STK3: variants seen among roughly 807,000 people sequenced by gnomAD.
The protein encoded by STK3 is serine/threonine kinase 3.
A neutral mutation model predicts 58.0 loss-of-function variants in STK3; 41 were observed. The ratio of observed to expected loss-of-function variants is 0.71; its 90% confidence interval spans 0.55 to 0.92. The LOEUF is 0.92. STK3 is among the 40% of genes least tolerant of loss of function. STK3 has a pLI of 0.00. For synonymous variants in STK3, 170 were observed against 191.0 expected (o/e 0.89, Z 0.91); for missense variants, 479 against 602.7 (o/e 0.79, Z 2.15).
At chr8:98,730,877 T>C (rs1435432991) in intron 4 of STK3, among the ~76,000 whole-genome samples, 5 of 152,248 alleles carry the variant, frequency 3.3e-5, no homozygotes, top group Non-Finnish European at 5.9e-5. Flanking sequence ...AACCATCCTT[T>C]AACCCAGGGA....
At chr8:98,686,205 C>A (rs1157624160) in intron 6 of STK3, among the ~76,000 whole-genome samples, 1 of 151,774 alleles carries the variant, frequency 6.6e-6, no homozygotes, top group Non-Finnish European at 1.5e-5. Flanking sequence ...TAAGTGTGCA[C>A]CAAGTATCTA....
At chr8:98,676,140 T>A (rs925705982) in intron 6 of STK3, among the ~76,000 whole-genome samples, 1 of 152,124 alleles carries the variant, frequency 6.6e-6, no homozygotes, top group African/African-American at 2.4e-5. Flanking sequence ...TCCACTTACA[T>A]GAGGTACCCA....
At chr8:98,362,352 C>CT in the STK3 span, among the ~76,000 whole-genome samples, 1 of 151,846 alleles carries the variant, frequency 6.6e-6, no homozygotes, top group Non-Finnish European at 1.5e-5. Flanking sequence ...GGCTGCAACA[C>CT]TTTTTTTTGA....
chr8:98,579,591 T>C, intron 8 of STK3, 73 bp downstream of exon 8: 1 of 1,519,520 alleles, frequency 6.6e-7, no homozygotes, highest in South Asian at 1.2e-5. Context: ...TAAGTGCTTT[T>C]AATATATTTT....
chr8:98,544,609 T>C (rs1414242744), intron 9 of STK3, among the ~76,000 whole-genome samples: 2 of 151,092 alleles, frequency 1.3e-5, no homozygotes, highest in Non-Finnish European at 2.9e-5. Flanking sequence ...ACCTGAAAGT[T>C]CTCTTAGCTT....
At chr8:98,782,021 G>A (rs376027176) in intron 1 of STK3, 350 of 190,632 alleles carry the variant, frequency 1.8e-3, no homozygotes, top group South Asian at 8.7e-3. Flanking sequence ...ATTTGCTTTC[G>A]TTGCTGCAGC....
chr8:98,707,213 TC>T lies in STK3; in HGVS notation c.449del (p.Gly150GlufsTer22). 6.2e-7 allele frequency: 1 copy of T among 1,612,384 alleles called. No homozygotes were observed. The highest frequency in any genetic ancestry group is 1.1e-5 in the South Asian group (1 of 90,396). On this transcript the variant is annotated frameshift_variant, in exon 5 of 11. Transcript: ENST00000419617. LOFTEE classifies it high-confidence loss of function. ...GTCCTTCTGTATTGAGGAGAATATT[TC>T]CAGCTTTTATATCTCTGTGTATTTT... ...MRKIHRDIKAGNILLNTEGHA... is the reference protein window; with the variant it reads ...MRKIHRDIKAXNILLNTEGHA...
chr8:98,569,198 CAATT>C (rs1213972461), intron 8 of STK3, among the ~76,000 whole-genome samples: 4 of 152,008 alleles, frequency 2.6e-5, no homozygotes, highest in South Asian at 4.1e-4. Context: ...ATCAATCAAT[CAATT>C]AAGGGTAAAT....
intron 4 of STK3, among the ~76,000 whole-genome samples, chr8:98,735,918 G>A (rs1828545138): frequency 6.6e-6 from 1 of 152,016 alleles, no homozygotes; most frequent in Admixed American, 6.6e-5. Context: ...TATCTATGCT[G>A]ACAATCAGAT....
intron 4 of STK3, among the ~76,000 whole-genome samples, chr8:98,713,867 T>C (rs1425934789): frequency 6.6e-6 from 1 of 151,998 alleles, no homozygotes; most frequent in Non-Finnish European, 1.5e-5. Flanking sequence ...TGAACATCGA[T>C]GCAAAAATCC....
chr8:98,586,010 GT>G (rs1318556161), intron 7 of STK3, among the ~76,000 whole-genome samples: 2 of 152,152 alleles, frequency 1.3e-5, no homozygotes, highest in Admixed American at 1.3e-4. Context: ...AGACAATGGG[GT>G]TTTCTAGATA....
intron 6 of STK3, among the ~76,000 whole-genome samples, chr8:98,658,501 G>A (rs553791042): frequency 6.6e-6 from 1 of 152,148 alleles, no homozygotes; most frequent in East Asian, 1.9e-4. Flanking sequence ...AAGAAGTTAA[G>A]AACCTTACTC....
intron 3 of STK3, among the ~76,000 whole-genome samples, chr8:98,847,200 A>C (rs967382598): frequency 2.6e-5 from 4 of 152,220 alleles, no homozygotes; most frequent in African/African-American, 9.6e-5. Context: ...GTGAATAGCC[A>C]CTGTGCTCTG....
At chr8:98,631,440 A>C (rs1182438537) in intron 6 of STK3, among the ~76,000 whole-genome samples, 1 of 152,158 alleles carries the variant, frequency 6.6e-6, no homozygotes, top group Non-Finnish European at 1.5e-5. Flanking sequence ...CATCAAACAC[A>C]GTCACACATC....
At chr8:98,934,014 T>C (rs1333924278) in intron 1 of STK3, among the ~76,000 whole-genome samples, 1 of 152,168 alleles carries the variant, frequency 6.6e-6, no homozygotes, top group Non-Finnish European at 1.5e-5. Context: ...CTGCTGTGTG[T>C]GGGGTCTGCT....
At chr8:98,535,767 G>A (rs1408091516) in intron 9 of STK3, among the ~76,000 whole-genome samples, 1 of 152,132 alleles carries the variant, frequency 6.6e-6, no homozygotes, top group African/African-American at 2.4e-5. Context: ...ACACTGGGAA[G>A]GAGAAGGAGA....
chr8:98,890,699 A>G (rs1022841955), intron 1 of STK3, among the ~76,000 whole-genome samples: 29 of 152,254 alleles, frequency 1.9e-4, no homozygotes, highest in African/African-American at 6.3e-4. Flanking sequence ...ATAATTCAGC[A>G]GCAAGAATCC....
intron 6 of STK3, chr8:98,638,563 G>C (rs1819785880): frequency 6.6e-6 from 1 of 152,196 alleles, no homozygotes; most frequent in Admixed American, 6.5e-5. Context: ...AGGCATTACT[G>C]AAACAGAATG....
rs538945421 is a variant in STK3, at chr8:98,650,692, G to A, written c.685-54523C>T. Among the ~76,000 whole-genome samples the A allele has an allele frequency of 3.3e-5, 5 of 152,298 alleles. No individual in the cohort carries two copies. The South Asian group carries it at 6.2e-4, about 19-fold the overall frequency. On this transcript the variant is annotated intron_variant, in intron 6 of 10. Coordinates refer to ENST00000419617, the MANE Select transcript of STK3 (RefSeq NM_006281.4). ...ACAGCGCACCAGGAGATTATATCCC[G>A]CCCATGGCTCGGAGGGTCCTACGCC...
Sources: gnomAD v4.1 joint callset for allele counts (sites outside exome capture counted in the v4.1 genomes callset) on GRCh38, gnomAD v4.1.1 for gene constraint, MANE v1.5 for transcripts, NCBI Gene and HGNC (gene_info 2026-07-23, HGNC 2026-07-21) for gene names.